The following RFX1 variants were observed in gnomAD, a reference collection of about 807,000 sequenced individuals.
RFX1 encodes regulatory factor X1.
In RFX1, 42 loss-of-function variants were observed where a neutral mutation model predicts 119.6. The observed-to-expected ratio is 0.35, with a 90% CI of 0.27 to 0.45. The LOEUF is 0.45. Ranked by LOEUF, RFX1 falls within the 20% of genes least tolerant of loss-of-function variation. The pLI, the probability that RFX1 is intolerant of heterozygous loss-of-function variation, is 1.00. For missense variants in RFX1, 1,118 were observed against 1,368.1 expected (o/e 0.82, Z 2.88); for synonymous variants, 628 against 618.5 (o/e 1.02, Z -0.23).
rs775742276 is a variant in RFX1, at chr19:13,983,222, G to A, written c.478C>T (p.Pro160Ser). 3 of 1,579,856 alleles carry A rather than the reference G, an allele frequency of 1.9e-6. No homozygotes were observed. The highest frequency in any genetic ancestry group is 2.6e-6 in the Non-Finnish European group (3 of 1,166,884). Residue 160 changes from proline to serine, a missense_variant, in exon 4 of 21, where the codon CCC (proline) becomes TCC (serine). Physicochemically the swap from Pro to Ser is moderately conservative, Grantham distance 74 (BLOSUM62 -1). This residue lies in a region of RFX1 where 542 missense variants were observed against 602.7 expected (regional missense o/e 0.90). Coordinates refer to ENST00000254325, the MANE Select transcript of RFX1 (RefSeq NM_002918.5). Reference sequence around the variant, plus strand: ...ACTTGGATGTTGGTCAGCTGGAGGGGCGACACGTGGCCTGGCTTGGCCTGC... The same window carrying A: ...ACTTGGATGTTGGTCAGCTGGAGGGACGACACGTGGCCTGGCTTGGCCTGC... ...SVQAKPGHVS[P>S]LQLTNIQVPQ...
At chr19:13,979,928 C>A (rs562855485) in intron 6 of RFX1, among the ~76,000 whole-genome samples, 1 of 152,060 alleles carries the variant, frequency 6.6e-6, no homozygotes, top group African/African-American at 2.4e-5. Context: ...GAGCCAGGGA[C>A]GGAGGCTGGC....
At position 13,980,490 on chromosome 19, in the gene RFX1, G is replaced by A; in HGVS notation, c.738+83C>T. 1.2e-6 allele frequency: 1 copy of A among 858,814 alleles called. No individual in the cohort carries two copies. Among genetic ancestry groups the A allele is most frequent in the East Asian group, 2.7e-5 (1 of 37,286 alleles). 53.2% of individuals were successfully genotyped at this position (858,814 alleles called of 1,614,324 possible). A position where few individuals can be genotyped will look rare whatever the true frequency, so the allele number is the denominator to read the frequency against. ...ACCCACATGGGCTGGGCTCTAATAGGCCAGAGGCACAGCCGTGGGGGGCTG... is the reference window on the plus strand; with the variant it reads ...ACCCACATGGGCTGGGCTCTAATAGACCAGAGGCACAGCCGTGGGGGGCTG... On this transcript the variant is annotated intron_variant, in intron 6 of 20. Transcript: ENST00000254325. This position sits in a 1 kb window ranked among gnomAD's most constrained non-coding sequence, Gnocchi z 5.1.
chr19:13,971,889 C>T (rs1974091242), intron 9 of RFX1, among the ~76,000 whole-genome samples: 1 of 152,060 alleles, frequency 6.6e-6, no homozygotes, highest in Admixed American at 6.6e-5. Context: ...GCCTATAGTC[C>T]CAGCTACTCG....
rs531263689 is a variant in RFX1 at position 13,968,016 on chromosome 19, G to A, written c.1732+549C>T. Among the ~76,000 whole-genome samples the A allele has an allele frequency of 1.1e-4, 17 of 152,236 alleles. 2 individuals carry two copies. In the South Asian group the frequency reaches 3.5e-3, roughly 32 times the overall value. On this transcript the variant is annotated intron_variant, in intron 12 of 20. Coordinates refer to ENST00000254325, the MANE Select transcript of RFX1 (RefSeq NM_002918.5). This position sits in a 1 kb window ranked among gnomAD's most constrained non-coding sequence, Gnocchi z 5.5. ...TGCCTGTAATCCCAGAACTTTGGGA[G>A]GCCAAGGTGGGAGGATCACTTCAGG... is the stretch of plus-strand genomic sequence containing the variant.
intron 8 of RFX1, among the ~76,000 whole-genome samples, chr19:13,974,641 A>G (rs976574064): frequency 5.3e-5 from 8 of 152,194 alleles, no homozygotes; most frequent in Non-Finnish European, 1.0e-4. Context: ...ATCTGTGGGC[A>G]TGGAGGGCTC....
chr19:13,987,170 C>A (rs948867274), intron 2 of RFX1, among the ~76,000 whole-genome samples: 5 of 152,174 alleles, frequency 3.3e-5, no homozygotes, highest in Admixed American at 6.5e-5. Context: ...CCCTGCAGGC[C>A]GGCTCGGTTT....
intron 8 of RFX1, among the ~76,000 whole-genome samples, chr19:13,977,521 A>G (rs1974285455): frequency 6.6e-6 from 1 of 151,540 alleles, no homozygotes; most frequent in Admixed American, 6.6e-5. Context: ...GGTTCAATCA[A>G]TTCTTCTGCC....
In RFX1 at chr19:13,985,074, C is replaced by G. The variant is rs1191155575; in HGVS notation, c.320-1479G>C. ...CTGGGGTCTTGCTATATTGCCCAGG[C>G]TGGTCTCGAACTCTTGGACTCAAGC... On this transcript the variant is annotated intron_variant, in intron 2 of 20. Transcript: ENST00000254325. This position sits in a 1 kb window ranked among gnomAD's most constrained non-coding sequence, Gnocchi z 4.3. Among the ~76,000 whole-genome samples, 1 of 152,142 alleles carries G rather than the reference C, an allele frequency of 6.6e-6. No homozygotes were observed. Among genetic ancestry groups the G allele is most frequent in the Non-Finnish European group, 1.5e-5 (1 of 68,032 alleles).
rs1974481960 is a variant in RFX1, at chr19:13,983,181, C to T, written c.513+6G>A. 6.4e-7 allele frequency: 1 copy of T among 1,561,476 alleles called. No homozygotes were observed. ...CCAGGGTGGTGGCCAGGTGCAGCAG[C>T]ATTACCTGCTGGGGCACTTGGATGT... On this transcript the variant is annotated splice_donor_region_variant and intron_variant, in intron 4 of 20. Transcript: ENST00000254325.
At chr19:14,001,793 A>G (rs1440459036) in intron 1 of RFX1, among the ~76,000 whole-genome samples, 1 of 152,174 alleles carries the variant, frequency 6.6e-6, no homozygotes, top group Non-Finnish European at 1.5e-5. Flanking sequence ...CTGAAGTCAG[A>G]ATTTCAAGTC....
In RFX1 at chr19:13,969,206, G is replaced by C. The variant is rs929794566; in HGVS notation, c.1497-312C>G. Among the ~76,000 whole-genome samples, 6 of 152,140 alleles carry C rather than the reference G, an allele frequency of 3.9e-5. 1 individual carries two copies. Among genetic ancestry groups the C allele is most frequent in the African/African-American group, 1.4e-4 (6 of 41,436 alleles). ...CCATGGGGGTTGCAAAGGAGAGGAA[G>C]AGAGGGGCGGGTTCTTGGGATGCCT... On this transcript the variant is annotated intron_variant, in intron 10 of 20. Transcript: ENST00000254325. The surrounding 1 kb of genome is among the most constrained non-coding windows in gnomAD (Gnocchi z 4.5).
In RFX1 at chr19:13,965,434, C is replaced by T; in HGVS notation, c.2211+15G>A. On this transcript the variant is annotated intron_variant, in intron 16 of 20. Transcript: ENST00000254325. This position sits in a 1 kb window ranked among gnomAD's most constrained non-coding sequence, Gnocchi z 4.7. ...GCCCCAGAGATAGGAGAAAGGGACC[C>T]CCTCACACTCTCACCTTCACCCGCA... The T allele has an allele frequency of 1.2e-6, 2 of 1,609,508 alleles. No individual in the cohort carries two copies.
rs1264685319 is a variant in RFX1, at chr19:13,962,270, C to G, written c.*425G>C. The stretch of plus-strand genomic sequence containing the variant: ...CAGGTGACGCCCACCTGCGCCGGCC[C>G]GGGGCTCAGGGCTGGGCCCAGGACA... On this transcript the variant is annotated 3_prime_UTR_variant, in exon 21 of 21. Transcript: ENST00000254325. The G allele has an allele frequency of 5.7e-6, 1 of 176,346 alleles. No individual in the cohort carries two copies. Among genetic ancestry groups the G allele is most frequent in the Non-Finnish European group, 1.2e-5 (1 of 84,100 alleles). 10.9% of individuals were successfully genotyped at this position (176,346 alleles called of 1,614,324 possible).
At position 13,965,380 on chromosome 19, in the gene RFX1, C is replaced by T; in HGVS notation, c.2211+69G>A. On this transcript the variant is annotated intron_variant, in intron 16 of 20. Coordinates refer to ENST00000254325, the MANE Select transcript of RFX1 (RefSeq NM_002918.5). The surrounding 1 kb of genome is among the most constrained non-coding windows in gnomAD (Gnocchi z 4.7). The stretch of plus-strand genomic sequence containing the variant: ...AGGCGTGGGGACAAATTTTACCGCC[C>T]CTGGGGAGCAGAGGAGACGGAGGCC... 2 of 1,410,724 alleles carry T rather than the reference C, an allele frequency of 1.4e-6. No individual in the cohort carries two copies. Among genetic ancestry groups the T allele is most frequent in the South Asian group, 2.4e-5 (2 of 83,070 alleles). The allele number at this position is 1,410,724 out of a possible 1,614,324, so 87.4% of individuals were successfully genotyped here. A position where few individuals can be genotyped will look rare whatever the true frequency, so the allele number is the denominator to read the frequency against.
intron 1 of RFX1, among the ~76,000 whole-genome samples, chr19:13,999,534 A>G (rs950330643): frequency 6.6e-6 from 1 of 152,218 alleles, no homozygotes; most frequent in Non-Finnish European, 1.5e-5. Context: ...CTGAGATTTG[A>G]ACTTCATGTA....
Position 13,968,364 on chromosome 19 carries a change from T to C in RFX1, c.1732+201A>G, listed in dbSNP as rs1396575483. 6.6e-6 allele frequency among the ~76,000 whole-genome samples: 1 copy of C among 151,956 alleles called. No individual in the cohort carries two copies. Among genetic ancestry groups the C allele is most frequent in the African/African-American group, 2.4e-5 (1 of 41,372 alleles). ...CTTTGCATTGAAAGAAATGAGAATCTACCTTGAAGAAGGATTCTAGGGACA... is the reference window on the plus strand; with the variant it reads ...CTTTGCATTGAAAGAAATGAGAATCCACCTTGAAGAAGGATTCTAGGGACA... On this transcript the variant is annotated intron_variant, in intron 12 of 20. Coordinates refer to ENST00000254325, the MANE Select transcript of RFX1 (RefSeq NM_002918.5). The surrounding 1 kb of genome is among the most constrained non-coding windows in gnomAD (Gnocchi z 5.5).
chr19:13,964,531 G>C (rs1363228686), intron 16 of RFX1, among the ~76,000 whole-genome samples: 1 of 152,072 alleles, frequency 6.6e-6, no homozygotes, highest in African/African-American at 2.4e-5. Flanking sequence ...ATCCAGGCTA[G>C]AGTGCAGTGG....
In RFX1 at chr19:13,980,731, T is replaced by TGCATCCTCTCGGGGGTGGGCTC; in HGVS notation, c.622-43_622-42insGAGCCCACCCCCGAGAGGATGC. On this transcript the variant is annotated intron_variant, in intron 5 of 20. Coordinates refer to ENST00000254325, the MANE Select transcript of RFX1 (RefSeq NM_002918.5). This position sits in a 1 kb window ranked among gnomAD's most constrained non-coding sequence, Gnocchi z 5.1. Reference sequence around the variant, plus strand: ...CACAGGAGTGCCGCTGGGGTGGGCTTGCATCCTCTCTGAGGTGGGCTCACA... The same window carrying TGCATCCTCTCGGGGGTGGGCTC: ...CACAGGAGTGCCGCTGGGGTGGGCTTGCATCCTCTCGGGGGTGGGCTCGCATCCTCTCTGAGGTGGGCTCACA... 4 of 1,201,552 alleles carry TGCATCCTCTCGGGGGTGGGCTC rather than the reference T, an allele frequency of 3.3e-6. No individual in the cohort carries two copies. The highest frequency in any genetic ancestry group is 4.7e-6 in the Non-Finnish European group (4 of 842,374). 74.4% of individuals were successfully genotyped at this position (1,201,552 alleles called of 1,614,324 possible).
rs778216455 is a variant in RFX1 at position 13,983,575 on chromosome 19, C to G, written c.340G>C (p.Glu114Gln). The change falls in exon 3 of 21, where the codon GAG becomes CAG. Residue 114 changes from glutamate to glutamine, a missense_variant. Glu to Gln is a conservative substitution (Grantham distance 29). Coordinates refer to ENST00000254325, the MANE Select transcript of RFX1 (RefSeq NM_002918.5). ...CCGGGGCTGGCCTCCGACACTGTCT[C>G]GCTGGCCCGCATGGCACCTTCTGTG... ...TVSEGAMRAS[E>Q]TVSEASPGST... The G allele has an allele frequency of 7.5e-6, 12 of 1,606,768 alleles. No individual in the cohort carries two copies. The highest frequency in any genetic ancestry group is 1.7e-5 in the Admixed American group (1 of 59,446).
Sources: allele counts gnomAD v4.1 joint callset (sites outside exome capture counted in the v4.1 genomes callset), GRCh38; gene constraint gnomAD v4.1.1; regional missense constraint gnomAD v4.1.1; non-coding constraint Gnocchi (gnomAD v3.1); transcripts MANE v1.5; gene names NCBI Gene and HGNC (gene_info 2026-07-23, HGNC 2026-07-21).